PLSCR4: variants seen among roughly 807,000 people sequenced by gnomAD.
The protein encoded by PLSCR4 is Ca(2+)-dependent phospholipid scramblase 4.
Under a neutral mutation model 36.3 loss-of-function variants are expected in PLSCR4, and 25 were observed. The observed-to-expected ratio is 0.69, with a 90% CI of 0.50 to 0.96. The LOEUF (loss-of-function observed/expected upper bound fraction) is 0.96. Ranked by LOEUF, PLSCR4 falls within the 40% of genes least tolerant of loss-of-function variation. The pLI, the probability that PLSCR4 is intolerant of heterozygous loss-of-function variation, is 0.00. For missense variants in PLSCR4, 408 were observed against 414.7 expected (o/e 0.98, Z 0.14); for synonymous variants, 122 against 132.9 (o/e 0.92, Z 0.56).
intron 1 of PLSCR4, among the ~76,000 whole-genome samples, chr3:146,233,678 T>A (rs1001478802): frequency 6.6e-6 from 1 of 152,168 alleles, no homozygotes; most frequent in South Asian, 2.1e-4. Flanking sequence ...GGTTTCATTA[T>A]ACAGGCCAGG....
chr3:146,208,308 A>G (rs1331799762), intron 3 of PLSCR4, among the ~76,000 whole-genome samples: 1 of 152,166 alleles, frequency 6.6e-6, no homozygotes, highest in Non-Finnish European at 1.5e-5. Context: ...TAAATCTAAG[A>G]CCTGAAACTA....
intron 5 of PLSCR4, 111 bp downstream of exon 5, chr3:146,200,924 T>C (rs1168405419): frequency 2.9e-6 from 2 of 683,836 alleles, no homozygotes; most frequent in Non-Finnish European, 5.0e-6. Flanking sequence ...AGCAGTTTTT[T>C]TTTCTTTGAG....
At position 146,215,379 on chromosome 3, in the gene PLSCR4, C is replaced by G. The variant is rs145467218; in HGVS notation, c.118+5436G>C. Among the ~76,000 whole-genome samples, 566 of 151,838 alleles carry G rather than the reference C, an allele frequency of 3.7e-3. 22 individuals are homozygous for G. Among genetic ancestry groups the G allele is most frequent in the Admixed American group, 0.035 (527 of 15,218 alleles). On this transcript the variant is annotated intron_variant, in intron 3 of 8. Coordinates refer to ENST00000354952, the MANE Select transcript of PLSCR4 (RefSeq NM_020353.3). Reference sequence around the variant, plus strand: ...GATTATCATCAAGAATATTTGAAAGCCAATGATTTAAAGATCCTTTTATTT... The same window carrying G: ...GATTATCATCAAGAATATTTGAAAGGCAATGATTTAAAGATCCTTTTATTT...
At chr3:146,199,076 G>A (rs1000291503) in intron 6 of PLSCR4, among the ~76,000 whole-genome samples, 1 of 152,020 alleles carries the variant, frequency 6.6e-6, no homozygotes, top group Non-Finnish European at 1.5e-5. Context: ...TTTAGTAAAG[G>A]ATGTTATTTA....
Position 146,206,759 on chromosome 3 carries a change from G to T in PLSCR4, c.121C>A (p.Pro41Thr), listed in dbSNP as rs754400634. 6 of 1,570,540 alleles carry T rather than the reference G, an allele frequency of 3.8e-6. No individual in the cohort carries two copies. In the Admixed American group the frequency reaches 1.1e-4, roughly 30 times the overall value. The part of the protein sequence containing the change: ...PEYNSHFLPG[P>T]PGTAVPPPTG... Reference sequence around the variant, plus strand: ...GGTGGAGGGACAGCTGTTCCAGGGGGTCCTGTGTTCAAAAGAAATCAAAGT... The same window carrying T: ...GGTGGAGGGACAGCTGTTCCAGGGGTTCCTGTGTTCAAAAGAAATCAAAGT... Residue 41 changes from proline (P) to threonine (T), a missense_variant and splice_region_variant, in exon 4 of 9, where the codon CCC becomes ACC. Transcript: ENST00000354952.
chr3:146,200,335 A>C (rs1188647365), intron 5 of PLSCR4, among the ~76,000 whole-genome samples: 1 of 152,148 alleles, frequency 6.6e-6, no homozygotes, highest in Admixed American at 6.6e-5. Flanking sequence ...TGAATTCAGA[A>C]AACTTTAATT....
intron 1 of PLSCR4, among the ~76,000 whole-genome samples, chr3:146,234,259 A>G (rs1158671412): frequency 6.6e-6 from 1 of 152,232 alleles, no homozygotes; most frequent in Non-Finnish European, 1.5e-5. Context: ...GAAACATAGT[A>G]GTAGACACTA....
At chr3:146,223,817 TTTAC>T (rs1246864026) in intron 1 of PLSCR4, 2 of 147,494 alleles carry the variant, frequency 1.4e-5, no homozygotes, top group East Asian at 3.9e-4. Flanking sequence ...AACATATATA[TTTAC>T]TTTTATATAA....
chr3:146,224,968 CG>C (rs2035380430), intron 1 of PLSCR4, among the ~76,000 whole-genome samples: 1 of 151,246 alleles, frequency 6.6e-6, no homozygotes, highest in African/African-American at 2.4e-5. Context: ...TACAGAGTGT[CG>C]ATTGGTGCAC....
chr3:146,219,425 T>G (rs1211075040), intron 3 of PLSCR4, among the ~76,000 whole-genome samples: 1 of 152,230 alleles, frequency 6.6e-6, no homozygotes, highest in Non-Finnish European at 1.5e-5. Context: ...AGATAAAGCA[T>G]GATTATAATT....
intron 1 of PLSCR4, among the ~76,000 whole-genome samples, chr3:146,246,207 T>G (rs149942988): frequency 3.8e-4 from 58 of 152,280 alleles, no homozygotes; most frequent in African/African-American, 1.3e-3. Context: ...TTAACATATA[T>G]GTATTTAATT....
intron 1 of PLSCR4, among the ~76,000 whole-genome samples, chr3:146,242,690 T>TA (rs1443716477): frequency 1.3e-5 from 2 of 152,144 alleles, no homozygotes; most frequent in African/African-American, 2.4e-5. Context: ...ACTTCATGTA[T>TA]AAAAACCAGA....
chr3:146,235,784 C>T (rs1447779949), intron 1 of PLSCR4, among the ~76,000 whole-genome samples: 2 of 152,122 alleles, frequency 1.3e-5, no homozygotes, highest in African/African-American at 2.4e-5. Context: ...CAGGATGATG[C>T]AGTCTCAGAG....
chr3:146,221,696 T>G (rs1007760260), intron 2 of PLSCR4, among the ~76,000 whole-genome samples: 14 of 152,224 alleles, frequency 9.2e-5, no homozygotes, highest in African/African-American at 3.4e-4. Context: ...CAAGGCCTAC[T>G]TTCATCCTCC....
chr3:146,199,533 T>C (rs1052379770), intron 6 of PLSCR4, among the ~76,000 whole-genome samples: 4 of 152,188 alleles, frequency 2.6e-5, no homozygotes, highest in African/African-American at 9.6e-5. Context: ...GGTAAATTTC[T>C]AATTAAGTAG....
rs112264865 is a variant in PLSCR4, at chr3:146,196,527, T to C, written c.786+105A>G. 431 of 1,020,288 alleles carry C rather than the reference T, an allele frequency of 4.2e-4. 2 individuals carry two copies. The African/African-American group carries it at 6.2e-3, about 15-fold the overall frequency. The allele number at this position is 1,020,288 out of a possible 1,614,324, so 63.2% of individuals were successfully genotyped here. A position where few individuals can be genotyped will look rare whatever the true frequency, so the allele number is the denominator to read the frequency against. On this transcript the variant is annotated intron_variant, in intron 7 of 8. Transcript: ENST00000354952. Reference sequence around the variant, plus strand: ...GTTAATTAACTCTTTCCTAACACTATGTTATTCATTCACATTAAAAAAAAA... The same window carrying C: ...GTTAATTAACTCTTTCCTAACACTACGTTATTCATTCACATTAAAAAAAAA...
intron 1 of PLSCR4, among the ~76,000 whole-genome samples, chr3:146,248,465 T>G (rs2036428118): frequency 2.0e-5 from 3 of 151,794 alleles, no homozygotes; most frequent in Non-Finnish European, 4.4e-5. Context: ...TACAAAAATA[T>G]AATTACTACA....
At chr3:146,223,477 G>T (rs576626751) in intron 1 of PLSCR4, among the ~76,000 whole-genome samples, 2,227 of 152,262 alleles carry the variant, frequency 0.015, 59 homozygotes, top group African/African-American at 0.051. Context: ...TAAATCCTAA[G>T]CCTATGTACT....
At chr3:146,215,449 A>C (rs1576467102) in intron 3 of PLSCR4, among the ~76,000 whole-genome samples, 1 of 152,164 alleles carries the variant, frequency 6.6e-6, no homozygotes, top group East Asian at 1.9e-4. Context: ...AATGAAAAAG[A>C]TGGAATCAAT....
Sources: gnomAD v4.1 joint callset for allele counts (sites outside exome capture counted in the v4.1 genomes callset) on GRCh38, gnomAD v4.1.1 for gene constraint, MANE v1.5 for transcripts, NCBI Gene and HGNC (gene_info 2026-07-23, HGNC 2026-07-21) for gene names.